Variants in SPTLC1 observed in about 807,000 individuals in gnomAD.
The protein encoded by SPTLC1 is serine palmitoyltransferase long chain base subunit 1.
SPTLC1 carries 55 observed loss-of-function variants against 68.9 expected under a neutral mutation model. That is an observed-to-expected ratio of 0.80 (90% confidence interval 0.64 to 1.00). The LOEUF is 1.00. Ranked by LOEUF, SPTLC1 falls within the 50% of genes least tolerant of loss-of-function variation. SPTLC1 has a pLI of 0.00. For missense variants in SPTLC1, 449 were observed against 573.1 expected (o/e 0.78, Z 2.21); for synonymous variants, 197 against 201.6 (o/e 0.98, Z 0.19).
intron 3 of SPTLC1, among the ~76,000 whole-genome samples, chr9:92,082,084 C>T (rs1186750809): frequency 6.6e-6 from 1 of 152,292 alleles, no homozygotes; most frequent in African/African-American, 2.4e-5. Context: ...AGGGACATCA[C>T]TGACCTCTGT....
rs557626623 is a variant in SPTLC1 at position 92,066,182 on chromosome 9, G to A, written c.560+1784C>T. 2.2e-4 allele frequency among the ~76,000 whole-genome samples: 33 copies of A among 152,264 alleles called. 1 individual carries two copies. The East Asian group carries it at 6.4e-3, about 29-fold the overall frequency. ...ATAAACTGTTACAAGCTCTACAAAA[G>A]AAAAGTACAGTAAGTATGAAGCAAA... On this transcript the variant is annotated intron_variant, in intron 6 of 14. Coordinates refer to ENST00000262554, the MANE Select transcript of SPTLC1 (RefSeq NM_006415.4).
chr9:92,104,468 G>A lies in SPTLC1; in HGVS notation c.260+4272C>T, dbSNP rs999164430. On this transcript the variant is annotated intron_variant, in intron 3 of 14. Coordinates refer to ENST00000262554, the MANE Select transcript of SPTLC1 (RefSeq NM_006415.4). ...CCTCGGAACACGGGCACCCCACAGAGGGTCCTGCCTCCTGTGGTCTGGAGC... is the reference window on the plus strand; with the variant it reads ...CCTCGGAACACGGGCACCCCACAGAAGGTCCTGCCTCCTGTGGTCTGGAGC... The A allele has an allele frequency of 4.6e-5, 64 of 1,401,066 alleles. No individual in the cohort carries two copies. The African/African-American group carries it at 7.6e-4, about 17-fold the overall frequency. The allele number at this position is 1,401,066 out of a possible 1,614,324, so 86.8% of individuals were successfully genotyped here.
intron 6 of SPTLC1, among the ~76,000 whole-genome samples, chr9:92,067,467 C>G (rs1834332891): frequency 6.6e-6 from 1 of 152,214 alleles, no homozygotes. Flanking sequence ...CCCTGCCCTT[C>G]ACAGTAAACC....
At chr9:92,081,963 A>C (rs1337011421) in intron 3 of SPTLC1, among the ~76,000 whole-genome samples, 1 of 152,228 alleles carries the variant, frequency 6.6e-6, no homozygotes, top group Non-Finnish European at 1.5e-5. Flanking sequence ...AAATTCATGA[A>C]AGCGAACTAA....
intron 6 of SPTLC1, among the ~76,000 whole-genome samples, chr9:92,060,057 G>A (rs776443550): frequency 4.6e-5 from 7 of 152,122 alleles, no homozygotes; most frequent in East Asian, 3.9e-4. Context: ...ACAGGAGGGC[G>A]AGTGGAGAGT....
Position 92,108,862 on chromosome 9 carries a change from G to A in SPTLC1, c.166-28C>T, listed in dbSNP as rs773209295. 1.0e-5 allele frequency: 16 copies of A among 1,575,114 alleles called. No homozygotes were observed. The East Asian group carries it at 3.6e-4, about 35-fold the overall frequency. On this transcript the variant is annotated intron_variant, in intron 2 of 14. Coordinates refer to ENST00000262554, the MANE Select transcript of SPTLC1 (RefSeq NM_006415.4). ...ACAGGAGAAAAAGAATTAAAATACAGTGCAGTGCTAATATTATCAATTATT... is the reference window on the plus strand; with the variant it reads ...ACAGGAGAAAAAGAATTAAAATACAATGCAGTGCTAATATTATCAATTATT...
chr9:92,038,683 C>T (rs748694301), intron 12 of SPTLC1, among the ~76,000 whole-genome samples: 2 of 152,230 alleles, frequency 1.3e-5, no homozygotes, highest in Non-Finnish European at 2.9e-5. Flanking sequence ...CATTCCCTTG[C>T]CATGTGCTCC....
rs117133552 is a variant in SPTLC1 at position 92,113,726 on chromosome 9, G to A, written c.58-1164C>T. Among the ~76,000 whole-genome samples, 1,303 of 152,320 alleles carry A rather than the reference G, an allele frequency of 8.6e-3. 12 individuals carry two copies. Among genetic ancestry groups the A allele is most frequent in the Middle Eastern group, 0.024 (7 of 294 alleles). On this transcript the variant is annotated intron_variant, in intron 1 of 14. Coordinates refer to ENST00000262554, the MANE Select transcript of SPTLC1 (RefSeq NM_006415.4). ...AGACAGAGCCACATCTGCTGTCTCTGCTGTTTCAAGATAAAATTCCCAGTA... is the reference window on the plus strand; with the variant it reads ...AGACAGAGCCACATCTGCTGTCTCTACTGTTTCAAGATAAAATTCCCAGTA...
At chr9:92,059,895 T>C (rs1834026981) in intron 6 of SPTLC1, among the ~76,000 whole-genome samples, 1 of 152,032 alleles carries the variant, frequency 6.6e-6, no homozygotes, top group African/African-American at 2.4e-5. Context: ...GAAGGCCAAG[T>C]AGGAAGCTGA....
rs755756616 is a variant in SPTLC1, at chr9:92,034,852, G to A, written c.1286C>T (p.Ala429Val). Residue 429 changes from alanine (A) to valine (V), a missense_variant, in exon 14 of 15, where the codon GCG becomes GTG. By Grantham distance (64) the Ala-to-Val change is moderately conservative (BLOSUM62 0). This residue lies in a region of SPTLC1 where 391 missense variants were observed against 472.1 expected (regional missense o/e 0.83). Coordinates refer to ENST00000262554, the MANE Select transcript of SPTLC1 (RefSeq NM_006415.4). ...CMNRSIALTQ[A>V]RYLEKEEKCL... Reference sequence around the variant, plus strand: ...CTTCTCTTCTTTCTCCAAGTAGCGCGCCTGAGTTAATGCAATACTTCTGTT... The same window carrying A: ...CTTCTCTTCTTTCTCCAAGTAGCGCACCTGAGTTAATGCAATACTTCTGTT... 3.7e-6 allele frequency: 6 copies of A among 1,614,086 alleles called. No individual in the cohort carries two copies. The highest frequency in any genetic ancestry group is 2.2e-5 in the East Asian group (1 of 44,886).
intron 3 of SPTLC1, among the ~76,000 whole-genome samples, chr9:92,084,995 T>C (rs1444123318): frequency 1.3e-5 from 2 of 152,222 alleles, no homozygotes; most frequent in Non-Finnish European, 2.9e-5. Flanking sequence ...GAGGAATTTA[T>C]CCATTTCTTC....
rs1833217101 is a variant in SPTLC1, at chr9:92,038,339, T to A, written c.1163A>T (p.Glu388Val). ...TAGGTGAAAGGCTGGAGAAAGGGAC[T>A]CCCCCACCACTTTTAATCCAGAAAT... ...QGISGLKVVGESLSPAFHLQL... is the reference protein window; with the variant it reads ...QGISGLKVVGVSLSPAFHLQL... The change falls in exon 13 of 15, where the codon GAG (glutamate) becomes GTG (valine). Residue 388 changes from glutamate (E) to valine (V), a missense_variant. Physicochemically the swap from Glu to Val is moderately radical, Grantham distance 121. Transcript: ENST00000262554. The A allele has an allele frequency of 1.2e-6, 2 of 1,613,348 alleles. No individual in the cohort carries two copies. The highest frequency in any genetic ancestry group is 1.3e-5 in the African/African-American group (1 of 74,816).
At chr9:92,064,034 G>A (rs747629214) in intron 6 of SPTLC1, among the ~76,000 whole-genome samples, 3 of 152,078 alleles carry the variant, frequency 2.0e-5, no homozygotes, top group Non-Finnish European at 4.4e-5. Flanking sequence ...TAAAAAGTAA[G>A]TAGATTAGAA....
At position 92,080,078 on chromosome 9, in the gene SPTLC1, A is replaced by AAAT. The variant is rs1244276953; in HGVS notation, c.364_365insATT (p.Ala121_Leu122insTyr). 1 of 1,613,448 alleles carries AAAT rather than the reference A, an allele frequency of 6.2e-7. No individual in the cohort carries two copies. The highest frequency in any genetic ancestry group is 8.5e-7 in the Non-Finnish European group (1 of 1,179,508). ...CACGCCATACTTCTTTAGAGATGCTAAAGCTGCTGCCTTTATTGAAGTACA... is the reference window on the plus strand; with the variant it reads ...CACGCCATACTTCTTTAGAGATGCTAAATAAGCTGCTGCCTTTATTGAAGTACA... On this transcript the variant is annotated inframe_insertion, in exon 5 of 15. Transcript: ENST00000262554.
chr9:92,032,186 T>C lies in SPTLC1; in HGVS notation c.*279A>G, dbSNP rs1418347067. 1.7e-6 allele frequency: 2 copies of C among 1,157,036 alleles called. No homozygotes were observed. The highest frequency in any genetic ancestry group is 2.4e-6 in the Non-Finnish European group (2 of 845,796). The allele number at this position is 1,157,036 out of a possible 1,614,324, so 71.7% of individuals were successfully genotyped here. A position where few individuals can be genotyped will look rare whatever the true frequency, so the allele number is the denominator to read the frequency against. ...TAAAATACTAGTATAAGAAAACATT[T>C]AAATAGTACTAAATGCACAATTTAA... On this transcript the variant is annotated 3_prime_UTR_variant, in exon 15 of 15. Coordinates refer to ENST00000262554, the MANE Select transcript of SPTLC1 (RefSeq NM_006415.4).
At position 92,086,755 on chromosome 9, in the gene SPTLC1, T is replaced by C. The variant is rs1352821682; in HGVS notation, c.261-5792A>G. 7.2e-5 allele frequency among the ~76,000 whole-genome samples: 11 copies of C among 152,280 alleles called. No individual in the cohort carries two copies. In the South Asian group the frequency reaches 1.9e-3, roughly 26 times the overall value. ...CTCTTCTCAAGGAGTATCTTTGTGG[T>C]GTTCTCTGTATTTCCTGAATCTGAA... On this transcript the variant is annotated intron_variant, in intron 3 of 14. Coordinates refer to ENST00000262554, the MANE Select transcript of SPTLC1 (RefSeq NM_006415.4).
chr9:92,032,441 G>A lies in SPTLC1; in HGVS notation c.*24C>T, dbSNP rs1832993985. 6.2e-7 allele frequency: 1 copy of A among 1,614,122 alleles called. No individual in the cohort carries two copies. Among genetic ancestry groups the A allele is most frequent in the African/African-American group, 1.3e-5 (1 of 75,050 alleles). Reference sequence around the variant, plus strand: ...GTCCTCTCTGCGTGTTGTGTGGCAGGAGGCCATGGTCCCGGGACTCTGCCT... The same window carrying A: ...GTCCTCTCTGCGTGTTGTGTGGCAGAAGGCCATGGTCCCGGGACTCTGCCT... On this transcript the variant is annotated 3_prime_UTR_variant, in exon 15 of 15. Transcript: ENST00000262554.
At chr9:92,048,639 T>C (rs1404902654) in intron 9 of SPTLC1, among the ~76,000 whole-genome samples, 1 of 152,208 alleles carries the variant, frequency 6.6e-6, no homozygotes, top group Non-Finnish European at 1.5e-5. Context: ...CCAGACTTCA[T>C]GGGGTTTCAT....
At chr9:92,051,168 T>C (rs1268522172) in intron 8 of SPTLC1, 2 of 981,998 alleles carry the variant, frequency 2.0e-6, no homozygotes, top group Non-Finnish European at 2.4e-6. Context: ...AATACATCTC[T>C]TCTATTGATA....
Sources: gnomAD v4.1 joint callset for allele counts (sites outside exome capture counted in the v4.1 genomes callset) on GRCh38, gnomAD v4.1.1 for gene constraint, gnomAD v4.1.1 regional missense constraint, MANE v1.5 for transcripts, NCBI Gene and HGNC (gene_info 2026-07-23, HGNC 2026-07-21) for gene names.